The following ACBD5 variants were observed in gnomAD, a reference collection of about 807,000 sequenced individuals.
ACBD5 encodes acyl-CoA binding domain containing 5.
Under a neutral mutation model 71.8 loss-of-function variants are expected in ACBD5, and 40 were observed. The ratio of observed to expected loss-of-function variants is 0.56; its 90% CI spans 0.43 to 0.72. The LOEUF is 0.72. ACBD5 is among the 30% of genes least tolerant of loss of function. The pLI is 0.00. For synonymous variants in ACBD5, 229 were observed against 218.6 expected, an observed-to-expected ratio of 1.05 and a Z score of -0.42; for missense variants, 559 against 644.5, an observed-to-expected ratio of 0.87 and a Z score of 1.44.
chr10:27,207,804 G>A (rs1589068059), intron 10 of ACBD5, among the ~76,000 whole-genome samples: 1 of 151,010 alleles, frequency 6.6e-6, no homozygotes, highest in African/African-American at 2.4e-5. Context: ...GTGTGATCTC[G>A]GCTCACTGAA....
intron 2 of ACBD5, among the ~76,000 whole-genome samples, chr10:27,239,872 G>A (rs2065242046): frequency 6.6e-6 from 1 of 152,090 alleles, no homozygotes; most frequent in Admixed American, 6.5e-5. Flanking sequence ...TCAGCCTCCC[G>A]AGTAGCTGGG....
intron 2 of ACBD5, 118 bp from the exon 3 acceptor site, chr10:27,235,330 A>T (rs1482393007): frequency 7.8e-6 from 10 of 1,275,022 alleles, no homozygotes; most frequent in African/African-American, 1.5e-5. Context: ...TTAGATAATG[A>T]TTTATTTCTA....
In ACBD5 at chr10:27,217,983, G is replaced by T. The variant is rs1439665467; in HGVS notation, c.826C>A (p.Gln276Lys). The T allele has an allele frequency of 2.5e-6, 4 of 1,613,756 alleles. No individual in the cohort carries two copies. The African/African-American group carries it at 5.3e-5, about 22-fold the overall frequency. Residue 276 changes from glutamine (Q) to lysine (K), a missense_variant, in exon 7 of 13, where the codon CAA becomes AAA. Gln to Lys is a moderately conservative substitution (Grantham distance 53). Transcript: ENST00000396271. ...QTGKSAVCIHQDINDDHVEDV... is the reference protein window; with the variant it reads ...QTGKSAVCIHKDINDDHVEDV... ...CAGAATTATTTGGGGACAATACCTTGGTGAATGCAAACAGCAGATTTTCCA... is the reference window on the plus strand; with the variant it reads ...CAGAATTATTTGGGGACAATACCTTTGTGAATGCAAACAGCAGATTTTCCA...
At position 27,197,011 on chromosome 10, in the gene ACBD5, C is replaced by A. The variant is rs753496558; in HGVS notation, c.*419G>T. 4 of 447,106 alleles carry A rather than the reference C, an allele frequency of 8.9e-6. No individual in the cohort carries two copies. The highest frequency in any genetic ancestry group is 3.3e-5 in the South Asian group (2 of 61,242). 27.7% of individuals were successfully genotyped at this position (447,106 alleles called of 1,614,324 possible). A position where few individuals can be genotyped will look rare whatever the true frequency, so the allele number is the denominator to read the frequency against. ...TTGAAATTCACTCCTGGTTTGCATT[C>A]TTTCTTTTATTTAATTTAGAAAATT... On this transcript the variant is annotated 3_prime_UTR_variant, in exon 13 of 13. Coordinates refer to ENST00000396271, the MANE Select transcript of ACBD5 (RefSeq NM_145698.5).
At chr10:27,204,976 A>T (rs973848155) in intron 11 of ACBD5, among the ~76,000 whole-genome samples, 3 of 152,012 alleles carry the variant, frequency 2.0e-5, no homozygotes, top group African/African-American at 4.8e-5. Flanking sequence ...AAATACAAAA[A>T]ATTAGCCGGG....
chr10:27,228,625 A>G (rs1048162801), intron 4 of ACBD5, among the ~76,000 whole-genome samples: 5 of 151,514 alleles, frequency 3.3e-5, no homozygotes, highest in Non-Finnish European at 7.4e-5. Flanking sequence ...ATTGAATGAA[A>G]CATGCATTTC....
intron 13 of ACBD5, among the ~76,000 whole-genome samples, chr10:27,186,045 C>T (rs2058719411): frequency 6.6e-6 from 1 of 152,088 alleles, no homozygotes; most frequent in Non-Finnish European, 1.5e-5. Context: ...GCAGAGATCG[C>T]GCCACTGCAC....
At chr10:27,241,682 C>A (rs917308342), upstream of ACBD5, among the ~76,000 whole-genome samples, 4 of 151,286 alleles carry the variant, frequency 2.6e-5, no homozygotes, top group Non-Finnish European at 1.5e-5. Flanking sequence ...AGCCTGGCAA[C>A]ATGGCGATAC....
At chr10:27,207,990 C>T (rs571695173) in intron 10 of ACBD5, among the ~76,000 whole-genome samples, 40 of 152,292 alleles carry the variant, frequency 2.6e-4, no homozygotes, top group African/African-American at 8.7e-4. Flanking sequence ...CCACCTCGGC[C>T]TCCCAAAGTG....
Position 27,204,466 on chromosome 10 carries a change from C to A in ACBD5, c.1539G>T (p.Val513=). 1 of 1,613,822 alleles carries A rather than the reference C, an allele frequency of 6.2e-7. No homozygotes were observed. Among genetic ancestry groups the A allele is most frequent in the Non-Finnish European group, 8.5e-7 (1 of 1,179,828 alleles). ...IIWPFIAQWL[V]YLYYQRRRRK... is the part of the protein sequence containing the mutation. ...TTCTCCTTCTTTGATAGTATAAATACACCAACCACTGTGCAATAAAAGGCC... is the reference window on the plus strand; with the variant it reads ...TTCTCCTTCTTTGATAGTATAAATAAACCAACCACTGTGCAATAAAAGGCC... Residue 513 remains valine, a synonymous_variant, in exon 12 of 13, where the codon GTG becomes GTT. Coordinates refer to ENST00000396271, the MANE Select transcript of ACBD5 (RefSeq NM_145698.5).
At chr10:27,227,437 T>G (rs1461764717) in intron 4 of ACBD5, among the ~76,000 whole-genome samples, 1 of 152,172 alleles carries the variant, frequency 6.6e-6, no homozygotes, top group Non-Finnish European at 1.5e-5. Context: ...CTACTCTCTG[T>G]TCAATGGAAT....
chr10:27,214,739 G>A (rs951642556), intron 8 of ACBD5, among the ~76,000 whole-genome samples: 1 of 152,102 alleles, frequency 6.6e-6, no homozygotes, highest in African/African-American at 2.4e-5. Context: ...GTGGAGAACA[G>A]ACTTATTTGT....
Position 27,205,147 on chromosome 10 carries a change from A to G in ACBD5, c.1455+51T>C, listed in dbSNP as rs1398750589. ...GTATCAAACAAAAACAAAAACAACAACAAAAAACATATGAAACCCTGGCAT... is the reference window on the plus strand; with the variant it reads ...GTATCAAACAAAAACAAAAACAACAGCAAAAAACATATGAAACCCTGGCAT... On this transcript the variant is annotated intron_variant, in intron 11 of 12. Transcript: ENST00000396271. 3 of 1,567,262 alleles carry G rather than the reference A, an allele frequency of 1.9e-6. No individual in the cohort carries two copies. The Admixed American group carries it at 5.0e-5, about 26-fold the overall frequency.
chr10:27,198,737 A>G (rs1444419122), intron 12 of ACBD5, among the ~76,000 whole-genome samples: 1 of 152,240 alleles, frequency 6.6e-6, no homozygotes, highest in Non-Finnish European at 1.5e-5. Flanking sequence ...TGTTAGCTTC[A>G]GGGTGCCTGA....
At chr10:27,186,317 C>T in intron 13 of ACBD5, 1 of 1,449,862 alleles carries the variant, frequency 6.9e-7, no homozygotes, top group Non-Finnish European at 9.7e-7. Flanking sequence ...ATAATAATTC[C>T]TGTAAAGCAG....
rs778268016 is a variant in ACBD5, at chr10:27,197,420, A to G, written c.*10T>C. On this transcript the variant is annotated 3_prime_UTR_variant, in exon 13 of 13. Coordinates refer to ENST00000396271, the MANE Select transcript of ACBD5 (RefSeq NM_145698.5). ...TTCCAGTAGTCTTCTTGAGGAAAAC[A>G]CCATTTTCCTCAGTTCAGTTTTCTT... 1.2e-6 allele frequency: 2 copies of G among 1,610,410 alleles called. No homozygotes were observed. The highest frequency in any genetic ancestry group is 1.7e-6 in the Non-Finnish European group (2 of 1,177,602).
intron 8 of ACBD5, 40 bp from the exon 9 acceptor site, chr10:27,211,121 GT>G (rs2061033513): frequency 6.2e-7 from 1 of 1,606,742 alleles, no homozygotes; most frequent in Admixed American, 1.7e-5. Flanking sequence ...AGCTAGAAAT[GT>G]GAATTATACA....
chr10:27,189,789 A>ATAT lies in ACBD5; in HGVS notation c.1494-7075_1494-7074insATA, dbSNP rs200900778. 4.0e-3 allele frequency among the ~76,000 whole-genome samples: 587 copies of ATAT among 147,862 alleles called. 2 individuals carry two copies. The highest frequency in any genetic ancestry group is 0.014 in the African/African-American group (542 of 40,002). On this transcript the variant is annotated intron_variant, in intron 13 of 13. Transcript: ENST00000676511. ...ATAAAAATATATATATATATATATA[A>ATAT]ATAAACTTTTGTTTTCACAACGGCA... is the stretch of plus-strand genomic sequence containing the variant.
chr10:27,206,661 A>T (rs1286867896), intron 10 of ACBD5, among the ~76,000 whole-genome samples: 3 of 151,896 alleles, frequency 2.0e-5, no homozygotes. Context: ...GATTACAGGC[A>T]TGCACCACCA....
Sources: gnomAD v4.1 joint callset for allele counts (sites outside exome capture counted in the v4.1 genomes callset) on GRCh38, gnomAD v4.1.1 for gene constraint, MANE v1.5 for transcripts, NCBI Gene and HGNC (gene_info 2026-07-23, HGNC 2026-07-21) for gene names.